OR6C75: variants seen among roughly 807,000 people sequenced by gnomAD.
The protein encoded by OR6C75 is olfactory receptor family 6 subfamily C member 75.
For missense variants in OR6C75, 380 were observed against 368.0 expected (o/e 1.03, Z -0.27); for synonymous variants, 149 against 130.6 (o/e 1.14, Z -0.96).
Position 55,365,397 on chromosome 12 carries a change from T to C in OR6C75, c.287T>C (p.Val96Ala), listed in dbSNP as rs761964256. 2 of 1,614,034 alleles carry C rather than the reference T, an allele frequency of 1.2e-6. No homozygotes were observed. Among genetic ancestry groups the C allele is most frequent in the African/African-American group, 2.7e-5 (2 of 74,930 alleles). The change falls in exon 3 of 3, where the codon GTG becomes GCG. Residue 96 changes from valine (V) to alanine (A), a missense_variant. By Grantham distance (64) the Val-to-Ala change is moderately conservative. Coordinates refer to ENST00000641576, the MANE Select transcript of OR6C75 (RefSeq NM_001005497.2). ...AGAACCATTTCTTATAATGGGTGTG[T>C]GGCTCAGCTATTTTTTTTCATCTTC... ...GNRTISYNGC[V>A]AQLFFFIFLG...
chr12:55,366,561 A>G lies in OR6C75; in HGVS notation c.*512A>G, dbSNP rs952467063. On this transcript the variant is annotated 3_prime_UTR_variant, in exon 3 of 3. Coordinates refer to ENST00000641576, the MANE Select transcript of OR6C75 (RefSeq NM_001005497.2). The stretch of plus-strand genomic sequence containing the variant: ...TTTATATGAAATGTTTAAACTATGT[A>G]TCTTAATTAATATATCTAAAATTTT... The G allele has an allele frequency of 2.0e-5, 3 of 152,156 alleles. No homozygotes were observed. Among genetic ancestry groups the G allele is most frequent in the African/African-American group, 7.2e-5 (3 of 41,474 alleles). 9.4% of individuals were successfully genotyped at this position (152,156 alleles called of 1,614,324 possible).
rs1452465696 is a variant in OR6C75, at chr12:55,369,154, A to G, written c.*3105A>G. 6.6e-6 allele frequency: 1 copy of G among 151,748 alleles called. No homozygotes were observed. The highest frequency in any genetic ancestry group is 1.5e-5 in the Non-Finnish European group (1 of 67,846). The allele number at this position is 151,748 out of a possible 1,614,324, so 9.4% of individuals were successfully genotyped here. ...GATAAAGAGAGATAGAGGGAAAGAG[A>G]GGGAAAGAAGAGAAACTGGAAAATT... On this transcript the variant is annotated 3_prime_UTR_variant, in exon 3 of 3. Coordinates refer to ENST00000641576, the MANE Select transcript of OR6C75 (RefSeq NM_001005497.2).
Position 55,365,729 on chromosome 12 carries a change from GT to G in OR6C75, c.620del (p.Val207AlafsTer3). ...TTTTTTAGCTGTGGTAACACTGATG[GT>G]CACCTTGACATTAGTTATTCTCTCC... ...AFFLAVVTLM[V>X]TLTLVILSYT... is the part of the protein sequence containing the mutation. On this transcript the variant is annotated frameshift_variant, in exon 3 of 3. Transcript: ENST00000641576. LOFTEE classifies it low-confidence loss of function (END_TRUNC). The G allele has an allele frequency of 6.2e-7, 1 of 1,613,894 alleles. No individual in the cohort carries two copies. Among genetic ancestry groups the G allele is most frequent in the Non-Finnish European group, 8.5e-7 (1 of 1,179,930 alleles).
intron 1 of OR6C75, among the ~76,000 whole-genome samples, 187 bp from the exon 2 acceptor site, chr12:55,363,606 T>C (rs1049175075): frequency 1.3e-5 from 2 of 152,018 alleles, no homozygotes; most frequent in African/African-American, 4.8e-5. Context: ...CTCTCTTTTT[T>C]TCTTTTCTTT....
Position 55,365,772 on chromosome 12 carries a change from G to T in OR6C75, c.662G>T (p.Arg221Leu). The change falls in exon 3 of 3, where the codon CGG becomes CTG. Residue 221 changes from arginine to leucine, a missense_variant. Transcript: ENST00000641576. ...ATTCTCTCCTACACAAACATCATCCGGACAATTCTGAAAATTCCTTCTATG... is the reference window on the plus strand; with the variant it reads ...ATTCTCTCCTACACAAACATCATCCTGACAATTCTGAAAATTCCTTCTATG... Reference protein sequence around the residue: ...LVILSYTNIIRTILKIPSMSQ... With the variant: ...LVILSYTNIILTILKIPSMSQ... 2 of 1,613,750 alleles carry T rather than the reference G, an allele frequency of 1.2e-6. No homozygotes were observed. Among genetic ancestry groups the T allele is most frequent in the South Asian group, 1.1e-5 (1 of 91,058 alleles).
In OR6C75 at chr12:55,366,062, A is replaced by T; in HGVS notation, c.*13A>T. 1 of 1,502,160 alleles carries T rather than the reference A, an allele frequency of 6.7e-7. No homozygotes were observed. Among genetic ancestry groups the T allele is most frequent in the Non-Finnish European group, 9.0e-7 (1 of 1,114,410 alleles). The allele number at this position is 1,502,160 out of a possible 1,614,324, so 93.1% of individuals were successfully genotyped here. A position where few individuals can be genotyped will look rare whatever the true frequency, so the allele number is the denominator to read the frequency against. On this transcript the variant is annotated 3_prime_UTR_variant, in exon 3 of 3. Coordinates refer to ENST00000641576, the MANE Select transcript of OR6C75 (RefSeq NM_001005497.2). The stretch of plus-strand genomic sequence containing the variant: ...TTTAAATAAATGAATGTGATTATGT[A>T]AAAAATGTACCCCCAAAGGCAAAGC...
rs376989299 is a variant in OR6C75 at position 55,367,883 on chromosome 12, A to G, written c.*1834A>G. On this transcript the variant is annotated 3_prime_UTR_variant, in exon 3 of 3. Transcript: ENST00000641576. ...CATTCAAGCTGAGAACCAAATAAAA[A>G]ACGCAATCTTGGCTGGGTGTGGTGG... 2.4e-4 allele frequency: 37 copies of G among 152,304 alleles called. No homozygotes were observed. The highest frequency in any genetic ancestry group is 2.1e-3 in the East Asian group (11 of 5,178). The allele number at this position is 152,304 out of a possible 1,614,324, so 9.4% of individuals were successfully genotyped here.
Position 55,363,802 on chromosome 12 carries a change from T to C in OR6C75, c.-316T>C, listed in dbSNP as rs891858166. The C allele has an allele frequency of 2.6e-5, 4 of 152,012 alleles. No individual in the cohort carries two copies. The highest frequency in any genetic ancestry group is 5.9e-5 in the Non-Finnish European group (4 of 68,026). 9.4% of individuals were successfully genotyped at this position (152,012 alleles called of 1,614,324 possible). ...TTTTTCTTGTTTTCAGGGAATATAC[T>C]GAAACATTTAGAAGACAGAGATGTA... On this transcript the variant is annotated 5_prime_UTR_variant, in exon 2 of 3. Coordinates refer to ENST00000641576, the MANE Select transcript of OR6C75 (RefSeq NM_001005497.2).
rs199638860 is a variant in OR6C75 at position 55,365,469 on chromosome 12, G to T, written c.359G>T (p.Arg120Leu). ...FYLLAAMSYD[R>L]CMAICKPLHY... ...CTTCTGGCTGCCATGTCCTATGACC[G>T]CTGCATGGCCATCTGCAAACCTCTT... The change falls in exon 3 of 3, where the codon CGC (arginine) becomes CTC (leucine). Residue 120 changes from arginine to leucine, a missense_variant. By Grantham distance (102) the Arg-to-Leu change is moderately radical. Coordinates refer to ENST00000641576, the MANE Select transcript of OR6C75 (RefSeq NM_001005497.2). 1 of 1,613,796 alleles carries T rather than the reference G, an allele frequency of 6.2e-7. No homozygotes were observed. The highest frequency in any genetic ancestry group is 1.3e-5 in the African/African-American group (1 of 74,872).
rs59247539 is a variant in OR6C75, at chr12:55,364,312, CTTTTTTTTTTTT to C, written c.-236+449_-236+460del. Among the ~76,000 whole-genome samples the C allele has an allele frequency of 6.1e-3, 105 of 17,174 alleles. 1 individual carries two copies. Among genetic ancestry groups the C allele is most frequent in the African/African-American group, 0.012 (84 of 6,982 alleles). The allele number at this position is 17,174 out of a possible 152,430, so 11.3% of individuals were successfully genotyped here. ...TTTTTTTTACATTTAGTTTCTTTTC[CTTTTTTTTTTTT>C]TTTTTTTTTTTTTTTTTTGACACGG... is the stretch of plus-strand genomic sequence containing the variant. On this transcript the variant is annotated intron_variant, in intron 2 of 2. Transcript: ENST00000641576.
Position 55,365,084 on chromosome 12 carries a change from C to T in OR6C75, c.-27C>T, listed in dbSNP as rs2120544561. The T allele has an allele frequency of 1.3e-6, 2 of 1,493,124 alleles. No individual in the cohort carries two copies. The highest frequency in any genetic ancestry group is 1.8e-6 in the Non-Finnish European group (2 of 1,088,476). 92.5% of individuals were successfully genotyped at this position (1,493,124 alleles called of 1,614,324 possible). On this transcript the variant is annotated 5_prime_UTR_variant, in exon 3 of 3. Coordinates refer to ENST00000641576, the MANE Select transcript of OR6C75 (RefSeq NM_001005497.2). ...CTTCACCTATTTTACAGCGAAAATACAGAATACTTTTCTAAAGAAAAAAAT... is the reference window on the plus strand; with the variant it reads ...CTTCACCTATTTTACAGCGAAAATATAGAATACTTTTCTAAAGAAAAAAAT...
chr12:55,363,977 C>A (rs1386246998), intron 2 of OR6C75, 95 bp downstream of exon 2: 1 of 134,844 alleles, frequency 7.4e-6, no homozygotes, highest in Non-Finnish European at 1.5e-5. Context: ...TTTTTAAAGT[C>A]CTTTTTTTTT....
Position 55,366,168 on chromosome 12 carries a change from A to G in OR6C75, c.*119A>G. On this transcript the variant is annotated 3_prime_UTR_variant, in exon 3 of 3. Coordinates refer to ENST00000641576, the MANE Select transcript of OR6C75 (RefSeq NM_001005497.2). Reference sequence around the variant, plus strand: ...CACACTTTTAGTTAGACATAGTTACATATCATCAACACTTCTTAATGAAAT... The same window carrying G: ...CACACTTTTAGTTAGACATAGTTACGTATCATCAACACTTCTTAATGAAAT... 1 of 617,552 alleles carries G rather than the reference A, an allele frequency of 1.6e-6. No homozygotes were observed. The highest frequency in any genetic ancestry group is 2.7e-6 in the Non-Finnish European group (1 of 364,368). 38.3% of individuals were successfully genotyped at this position (617,552 alleles called of 1,614,324 possible).
chr12:55,366,966 C>T lies in OR6C75; in HGVS notation c.*917C>T, dbSNP rs985800025. On this transcript the variant is annotated 3_prime_UTR_variant, in exon 3 of 3. Transcript: ENST00000641576. ...ATTCCTTATATTGATACAAAATTGCCTTACTACTGATATGATGAAGAAAAT... is the reference window on the plus strand; with the variant it reads ...ATTCCTTATATTGATACAAAATTGCTTTACTACTGATATGATGAAGAAAAT... The T allele has an allele frequency of 4.6e-5, 7 of 151,962 alleles. No individual in the cohort carries two copies. Among genetic ancestry groups the T allele is most frequent in the African/African-American group, 1.7e-4 (7 of 41,350 alleles). The allele number at this position is 151,962 out of a possible 1,614,324, so 9.4% of individuals were successfully genotyped here. A position where few individuals can be genotyped will look rare whatever the true frequency, so the allele number is the denominator to read the frequency against.
In OR6C75 at chr12:55,367,278, G is replaced by A. The variant is rs1869826478; in HGVS notation, c.*1229G>A. 6.6e-6 allele frequency: 1 copy of A among 152,066 alleles called. No individual in the cohort carries two copies. The highest frequency in any genetic ancestry group is 1.5e-5 in the Non-Finnish European group (1 of 68,010). The allele number at this position is 152,066 out of a possible 1,614,324, so 9.4% of individuals were successfully genotyped here. On this transcript the variant is annotated 3_prime_UTR_variant, in exon 3 of 3. Transcript: ENST00000641576. ...TTAAGAAAATTGGTTGTTGAATCCA[G>A]CAGCACATCAAAAAGATAATTCACC...
At position 55,365,451 on chromosome 12, in the gene OR6C75, C is replaced by T; in HGVS notation, c.341C>T (p.Ala114Val). Residue 114 changes from alanine (A) to valine (V), a missense_variant, in exon 3 of 3, where the codon GCT becomes GTT. Transcript: ENST00000641576. ...FLGVTEFYLL[A>V]AMSYDRCMAI... is the part of the protein sequence containing the mutation. Reference sequence around the variant, plus strand: ...GGGGTGACAGAATTTTACCTTCTGGCTGCCATGTCCTATGACCGCTGCATG... The same window carrying T: ...GGGGTGACAGAATTTTACCTTCTGGTTGCCATGTCCTATGACCGCTGCATG... The T allele has an allele frequency of 6.2e-7, 1 of 1,614,016 alleles. No individual in the cohort carries two copies. Among genetic ancestry groups the T allele is most frequent in the Non-Finnish European group, 8.5e-7 (1 of 1,179,984 alleles).
Position 55,366,236 on chromosome 12 carries a change from A to C in OR6C75, c.*187A>C. The C allele has an allele frequency of 2.1e-6, 1 of 486,780 alleles. No homozygotes were observed. Among genetic ancestry groups the C allele is most frequent in the Admixed American group, 3.8e-5 (1 of 26,162 alleles). The allele number at this position is 486,780 out of a possible 1,614,324, so 30.2% of individuals were successfully genotyped here. ...TTTAGCTCTTCTAAACTATATAGAA[A>C]GTGTTCGCTCTCTCACCTATGTAAC... is the stretch of plus-strand genomic sequence containing the variant. On this transcript the variant is annotated 3_prime_UTR_variant, in exon 3 of 3. Coordinates refer to ENST00000641576, the MANE Select transcript of OR6C75 (RefSeq NM_001005497.2).
Position 55,365,959 on chromosome 12 carries a change from G to A in OR6C75, c.849G>A (p.Leu283=), listed in dbSNP as rs1869793718. The A allele has an allele frequency of 6.2e-7, 1 of 1,613,742 alleles. No individual in the cohort carries two copies. The highest frequency in any genetic ancestry group is 8.5e-7 in the Non-Finnish European group (1 of 1,179,802). The change falls in exon 3 of 3, where the codon TTG becomes TTA. Residue 283 remains leucine (L), a synonymous_variant. Transcript: ENST00000641576. ...TCAATACCTCAGTGGCTCCTCTCTT[G>A]AATCCCTTCATATACACACTGAGAA... is the stretch of plus-strand genomic sequence containing the variant. ...AVLNTSVAPL[L]NPFIYTLRNK... is the part of the protein sequence containing the mutation.
rs946587468 is a variant in OR6C75, at chr12:55,363,874, A to G, written c.-244A>G. The G allele has an allele frequency of 9.9e-5, 15 of 152,082 alleles. No homozygotes were observed. The allele number at this position is 152,082 out of a possible 1,614,324, so 9.4% of individuals were successfully genotyped here. Reference sequence around the variant, plus strand: ...AATGAAGGAAATACAGAAATAATTGATTTATAAGGTAACAACAGAATTTTT... The same window carrying G: ...AATGAAGGAAATACAGAAATAATTGGTTTATAAGGTAACAACAGAATTTTT... On this transcript the variant is annotated 5_prime_UTR_variant, in exon 2 of 3. Coordinates refer to ENST00000641576, the MANE Select transcript of OR6C75 (RefSeq NM_001005497.2).
Sources: allele counts gnomAD v4.1 joint callset (sites outside exome capture counted in the v4.1 genomes callset), GRCh38; gene constraint gnomAD v4.1.1; transcripts MANE v1.5; gene names NCBI Gene and HGNC (gene_info 2026-07-23, HGNC 2026-07-21).